PAK3: variants seen among roughly 807,000 people sequenced by gnomAD.
PAK3 encodes the protein serine/threonine-protein kinase PAK 3.
A neutral mutation model predicts 41.0 loss-of-function variants in PAK3; 4 were observed. That is an observed-to-expected ratio of 0.10 (90% CI 0.05 to 0.22). The LOEUF (loss-of-function observed/expected upper bound fraction) is 0.22. Among genes scored for constraint, PAK3 ranks in the 10% least tolerant of loss-of-function variants. The pLI is 1.00. For synonymous variants in PAK3, 146 were observed against 139.6 expected (o/e 1.05, Z -0.32); for missense variants, 205 against 409.9 (o/e 0.50, Z 4.32).
chrX:111,146,389 A>G, intron 6 of PAK3: 3 of 478,851 alleles, frequency 6.3e-6, no homozygotes, highest in South Asian at 7.7e-5. Context: ...AAACCTCCCT[A>G]TTTTCATAAC....
chrX:111,211,903 C>T (rs926543731), intron 16 of PAK3, among the ~76,000 whole-genome samples: 8 of 110,357 alleles, frequency 7.2e-5, no homozygotes, highest in African/African-American at 2.6e-4. Flanking sequence ...GGAGGATGGA[C>T]TGAAGAATAA....
intron 3 of PAK3, among the ~76,000 whole-genome samples, chrX:111,102,339 C>T (rs1005077540): frequency 7.1e-5 from 8 of 111,953 alleles, no homozygotes; most frequent in Non-Finnish European, 1.5e-4. Context: ...AGTATGTATT[C>T]ATCCTAAGAA....
intron 4 of PAK3, 120 bp from the exon 5 acceptor site, chrX:111,122,957 A>G (rs1370686170): frequency 3.6e-6 from 2 of 551,224 alleles, no homozygotes; most frequent in Admixed American, 5.1e-5. Flanking sequence ...CGATCCTCAC[A>G]CAAAACCTGA....
chrX:111,187,939 G>A (rs1434833572), intron 11 of PAK3, among the ~76,000 whole-genome samples: 1 of 72,502 alleles, frequency 1.4e-5, no homozygotes, highest in Admixed American at 1.8e-4. Flanking sequence ...AGGGTACAGG[G>A]TAGGGAAATG....
chrX:111,210,320 TC>T (rs1451410423), intron 16 of PAK3, among the ~76,000 whole-genome samples: 1 of 111,369 alleles, frequency 9.0e-6, no homozygotes, highest in African/African-American at 3.3e-5. Context: ...ACACTTTTTT[TC>T]TTCCCTTTCT....
At chrX:111,073,327 GA>G (rs1322133990) in intron 1 of PAK3, among the ~76,000 whole-genome samples, 1 of 111,340 alleles carries the variant, frequency 9.0e-6, no homozygotes, top group Admixed American at 9.5e-5. Flanking sequence ...CTAGAAAAAA[GA>G]ACAAACTAGG....
intron 11 of PAK3, among the ~76,000 whole-genome samples, chrX:111,181,334 G>A (rs1270886132): frequency 9.0e-6 from 1 of 111,263 alleles, no homozygotes; most frequent in Non-Finnish European, 1.9e-5. Flanking sequence ...TCTCTTACAC[G>A]TAGATATATA....
intron 1 of PAK3, among the ~76,000 whole-genome samples, chrX:111,002,574 C>A (rs144894246): frequency 3.1e-3 from 345 of 111,678 alleles, no homozygotes; most frequent in South Asian, 6.1e-3. Flanking sequence ...TGCTAAGGGG[C>A]TATCTGGCAT....
intron 9 of PAK3, 27 bp downstream of exon 9, chrX:111,163,073 T>C (rs1227440039): frequency 8.5e-7 from 1 of 1,182,860 alleles, no homozygotes; most frequent in Non-Finnish European, 1.1e-6. Flanking sequence ...TATTTCCAAA[T>C]GATTCAAAAG....
At chrX:111,050,009 A>C (rs1277470311) in intron 1 of PAK3, among the ~76,000 whole-genome samples, 1 of 111,960 alleles carries the variant, frequency 8.9e-6, no homozygotes, top group Non-Finnish European at 1.9e-5. Context: ...AGTTCAAAGC[A>C]ATAGGAGTGG....
intron 1 of PAK3, among the ~76,000 whole-genome samples, chrX:111,012,124 CAT>C (rs1430738689): frequency 9.0e-6 from 1 of 111,488 alleles, no homozygotes; most frequent in Non-Finnish European, 1.9e-5. Flanking sequence ...ATATGGTAAA[CAT>C]ATTTACCAGT....
chrX:111,084,778 T>C (rs2092866113), intron 1 of PAK3, among the ~76,000 whole-genome samples: 1 of 112,531 alleles, frequency 8.9e-6, no homozygotes. Context: ...TTCTTTCTAA[T>C]TCAGAAACTT....
chrX:110,987,936 T>A (rs1044302468), intron 1 of PAK3, among the ~76,000 whole-genome samples: 1 of 112,290 alleles, frequency 8.9e-6, no homozygotes, highest in African/African-American at 3.2e-5. Flanking sequence ...TTATCGAACC[T>A]CTGAGCTTCA....
chrX:111,217,942 A>C (rs1423075173), intron 17 of PAK3, among the ~76,000 whole-genome samples: 4 of 112,708 alleles, frequency 3.5e-5, no homozygotes, highest in African/African-American at 1.3e-4. Flanking sequence ...TCAATTATCT[A>C]GTTAATTCAT....
chrX:111,203,479 A>G (rs1435843731), intron 16 of PAK3, among the ~76,000 whole-genome samples: 2 of 111,713 alleles, frequency 1.8e-5, no homozygotes, highest in African/African-American at 6.5e-5. Flanking sequence ...TAAACCCATC[A>G]GTCTGACTAC....
intron 8 of PAK3, among the ~76,000 whole-genome samples, chrX:111,157,559 G>A (rs757834215): frequency 5.8e-4 from 65 of 111,202 alleles, no homozygotes; most frequent in Middle Eastern, 4.6e-3. Context: ...GGGAGGCTGA[G>A]GCGGGCGGAT....
chrX:111,070,066 AC>A (rs2092730301), intron 1 of PAK3, among the ~76,000 whole-genome samples: 1 of 111,487 alleles, frequency 9.0e-6, no homozygotes, highest in Non-Finnish European at 1.9e-5. Flanking sequence ...CATTCAAGCC[AC>A]TAAAAAATGA....
At chrX:111,029,509 A>AC (rs2092315964) in intron 1 of PAK3, among the ~76,000 whole-genome samples, 1 of 112,135 alleles carries the variant, frequency 8.9e-6, no homozygotes, top group South Asian at 3.7e-4. Context: ...AAAGTACAAT[A>AC]AAGTATGCCA....
intron 10 of PAK3, among the ~76,000 whole-genome samples, chrX:111,172,552 G>A (rs749445802): frequency 2.7e-5 from 3 of 110,833 alleles, no homozygotes; most frequent in Middle Eastern, 4.6e-3. Context: ...CTTTATACTC[G>A]TGTGTATTCA....
Sources: gnomAD v4.1 joint callset for allele counts (sites outside exome capture counted in the v4.1 genomes callset) on GRCh38, gnomAD v4.1.1 for gene constraint, MANE v1.5 for transcripts, NCBI Gene and HGNC (gene_info 2026-07-23, HGNC 2026-07-21) for gene names.